The following RNF11 variants were observed in gnomAD, a reference collection of about 807,000 sequenced individuals.
RNF11 encodes ring finger protein 11.
In RNF11, 4 loss-of-function variants were observed where a neutral mutation model predicts 15.8. The observed-to-expected ratio is 0.25, with a 90% confidence interval of 0.12 to 0.58. RNF11 has a LOEUF of 0.58. Ranked by LOEUF, RNF11 falls within the 20% of genes least tolerant of loss-of-function variation. RNF11 has a pLI of 0.91. For missense variants in RNF11, 139 were observed against 194.4 expected (o/e 0.71, Z 1.70); for synonymous variants, 68 against 72.3 (o/e 0.94, Z 0.30).
chr1:51,267,553 A>G (rs1646960617), intron 1 of RNF11, among the ~76,000 whole-genome samples: 2 of 152,348 alleles, frequency 1.3e-5, no homozygotes, highest in African/African-American at 4.8e-5. Context: ...TTCCTTCAAC[A>G]TATATGAAAG....
At chr1:51,250,496 G>A (rs1646872276) in intron 1 of RNF11, 1 of 517,268 alleles carries the variant, frequency 1.9e-6, no homozygotes, top group South Asian at 2.4e-5. Context: ...TCCACTTACA[G>A]TGCTAATTTG....
At chr1:51,237,975 C>G (rs2148063276) in intron 1 of RNF11, among the ~76,000 whole-genome samples, 1 of 148,190 alleles carries the variant, frequency 6.7e-6, no homozygotes, top group East Asian at 2.0e-4. Flanking sequence ...CATATATATG[C>G]TCGTTTTCTG....
At chr1:51,261,022 G>A (rs568861030) in intron 1 of RNF11, among the ~76,000 whole-genome samples, 47 of 152,274 alleles carry the variant, frequency 3.1e-4, no homozygotes, top group Admixed American at 1.1e-3. Context: ...TAATGTTGAT[G>A]TAAGCTTATC....
At chr1:51,247,895 C>G (rs1484965213) in intron 1 of RNF11, among the ~76,000 whole-genome samples, 1 of 152,134 alleles carries the variant, frequency 6.6e-6, no homozygotes, top group East Asian at 1.9e-4. Context: ...TTCTAAAACT[C>G]TTAAAATTTT....
intron 1 of RNF11, among the ~76,000 whole-genome samples, chr1:51,245,296 G>C (rs1646846703): frequency 6.6e-6 from 1 of 152,088 alleles, no homozygotes; most frequent in Non-Finnish European, 1.5e-5. Context: ...GGGACCACAG[G>C]TGCATACCAC....
chr1:51,253,640 C>T (rs1026858544), intron 1 of RNF11, among the ~76,000 whole-genome samples: 15 of 151,904 alleles, frequency 9.9e-5, no homozygotes, highest in Non-Finnish European at 1.9e-4. Flanking sequence ...TCTCTGTACC[C>T]GCGTTCTAGA....
At chr1:51,241,457 A>G (rs894165987) in intron 1 of RNF11, among the ~76,000 whole-genome samples, 1 of 152,152 alleles carries the variant, frequency 6.6e-6, no homozygotes, top group African/African-American at 2.4e-5. Flanking sequence ...GATCAGTTTT[A>G]AGGAATCCTA....
chr1:51,256,079 CATT>C (rs1465705455), intron 1 of RNF11, among the ~76,000 whole-genome samples: 1 of 152,066 alleles, frequency 6.6e-6, no homozygotes, highest in Non-Finnish European at 1.5e-5. Flanking sequence ...ATTGCCAAAA[CATT>C]ATCACCCCAA....
At chr1:51,249,987 G>A (rs559011050) in intron 1 of RNF11, among the ~76,000 whole-genome samples, 80 of 152,136 alleles carry the variant, frequency 5.3e-4, no homozygotes, top group Middle Eastern at 3.4e-3. Flanking sequence ...CCTATTCGTC[G>A]TTCTTCTGTC....
intron 1 of RNF11, among the ~76,000 whole-genome samples, chr1:51,243,298 G>A (rs1646838484): frequency 6.6e-6 from 1 of 152,126 alleles, no homozygotes; most frequent in Non-Finnish European, 1.5e-5. Context: ...TACCTTGTAA[G>A]GTCACCATCA....
Position 51,271,157 on chromosome 1 carries a change from G to T in RNF11, c.300G>T (p.Val100=). 6.2e-7 allele frequency: 1 copy of T among 1,613,844 alleles called. No homozygotes were observed. Among genetic ancestry groups the T allele is most frequent in the Non-Finnish European group, 8.5e-7 (1 of 1,179,764 alleles). Residue 100 remains valine (V), a synonymous_variant, in exon 3 of 3, where the codon GTG becomes GTT. Transcript: ENST00000242719. ...TCTCCATTGCTCTCAACAGGTGTGT[G>T]ATCTGTATGATGGACTTTGTTTATG... The part of the protein sequence containing the change: ...DGSEKKIREC[V]ICMMDFVYGD...
intron 1 of RNF11, among the ~76,000 whole-genome samples, chr1:51,238,151 G>A (rs1164327325): frequency 6.6e-6 from 1 of 152,076 alleles, no homozygotes; most frequent in Admixed American, 6.5e-5. Flanking sequence ...TCTCTGCTTG[G>A]AGCCCTTCGC....
At chr1:51,262,009 C>T (rs1036102063) in intron 1 of RNF11, among the ~76,000 whole-genome samples, 4 of 152,210 alleles carry the variant, frequency 2.6e-5, no homozygotes, top group Admixed American at 2.6e-4. Flanking sequence ...CACATACCAC[C>T]ACCCCCAGCT....
intron 1 of RNF11, among the ~76,000 whole-genome samples, chr1:51,241,812 A>G (rs1171300799): frequency 2.0e-5 from 3 of 152,162 alleles, no homozygotes; most frequent in Non-Finnish European, 2.9e-5. Context: ...TGAAGAAGGG[A>G]GGTCCATGAG....
chr1:51,251,263 T>C lies in RNF11; in HGVS notation c.123+14384T>C, dbSNP rs1646876204. The C allele has an allele frequency of 2.3e-6, 3 of 1,330,484 alleles. No individual in the cohort carries two copies. The African/African-American group carries it at 4.3e-5, about 19-fold the overall frequency. 82.4% of individuals were successfully genotyped at this position (1,330,484 alleles called of 1,614,324 possible). On this transcript the variant is annotated intron_variant, in intron 1 of 2. Transcript: ENST00000242719. ...ATCTCCTCCAGGGACTTGATCTTCA[T>C]GTCCTTCACCAAGCAGCCCAGCTTG... is the stretch of plus-strand genomic sequence containing the variant.
At chr1:51,250,884 G>T in intron 1 of RNF11, 1 of 1,048,870 alleles carries the variant, frequency 9.5e-7, no homozygotes, top group Non-Finnish European at 1.4e-6. Flanking sequence ...AGTGCCCCTG[G>T]GTACAGGGAT....
intron 1 of RNF11, among the ~76,000 whole-genome samples, chr1:51,255,607 T>G (rs17106471): frequency 6.6e-6 from 1 of 152,230 alleles, no homozygotes; most frequent in Non-Finnish European, 1.5e-5. Context: ...TGATTAATCC[T>G]GATAAAAACC....
chr1:51,240,457 C>G (rs1363255792), intron 1 of RNF11, among the ~76,000 whole-genome samples: 2 of 152,190 alleles, frequency 1.3e-5, no homozygotes, highest in African/African-American at 2.4e-5. Flanking sequence ...GTTTTCCCCC[C>G]CAATACCATT....
At chr1:51,255,711 C>T (rs1312137456) in intron 1 of RNF11, among the ~76,000 whole-genome samples, 2 of 152,212 alleles carry the variant, frequency 1.3e-5, no homozygotes, top group Non-Finnish European at 2.9e-5. Flanking sequence ...GATGTTCCAG[C>T]ACCATTTGTT....
Sources: allele counts gnomAD v4.1 joint callset (sites outside exome capture counted in the v4.1 genomes callset), GRCh38; gene constraint gnomAD v4.1.1; transcripts MANE v1.5; gene names NCBI Gene and HGNC (gene_info 2026-07-23, HGNC 2026-07-21).